The following MCTP1 variants were observed in gnomAD, a reference collection of about 807,000 sequenced individuals.
The protein encoded by MCTP1 is multiple C2 and transmembrane domain containing 1, also known as multiple C2 and transmembrane domain-containing protein 1.
In MCTP1, 69 loss-of-function variants were observed where a neutral mutation model predicts 120.6. The observed-to-expected ratio is 0.57, with a 90% CI of 0.47 to 0.70. The LOEUF (loss-of-function observed/expected upper bound fraction) is 0.70, where lower values mean the gene tolerates loss of function less well. Among genes scored for constraint, MCTP1 ranks in the 30% least tolerant of loss-of-function variants. The probability of loss-of-function intolerance (pLI) is 0.00; values close to 1 mark genes in which losing one functional copy is unlikely to be tolerated. For synonymous variants in MCTP1, 529 were observed against 493.1 expected (o/e 1.07, Z -0.96); for missense variants, 1,203 against 1,248.8 (o/e 0.96, Z 0.55).
At chr5:94,926,939 A>C (rs1813282045) in intron 6 of MCTP1, among the ~76,000 whole-genome samples, 1 of 152,178 alleles carries the variant, frequency 6.6e-6, no homozygotes, top group South Asian at 2.1e-4. Flanking sequence ...TTGTCCCTTC[A>C]CTTTGTACCA....
Position 94,846,817 on chromosome 5 carries a change from CTGTG to C in MCTP1, c.2436+21512_2436+21515del, listed in dbSNP as rs67319075. 6.8e-3 allele frequency among the ~76,000 whole-genome samples: 994 copies of C among 147,018 alleles called. 5 individuals are homozygous for C. The highest frequency in any genetic ancestry group is 0.011 in the Middle Eastern group (3 of 282). Reference sequence around the variant, plus strand: ...CGTACATGTGTGTCTCTGTGTGTGTCTGTGTGTGTGTGTGTGTGTGTGTGTGTGG... The same window carrying C: ...CGTACATGTGTGTCTCTGTGTGTGTCTGTGTGTGTGTGTGTGTGTGTGTGG... On this transcript the variant is annotated intron_variant, in intron 17 of 22. Transcript: ENST00000515393.
At chr5:95,019,693 G>T (rs1366668253) in intron 1 of MCTP1, among the ~76,000 whole-genome samples, 1 of 152,016 alleles carries the variant, frequency 6.6e-6, no homozygotes, top group Non-Finnish European at 1.5e-5. Context: ...AGTCAGTCTA[G>T]GATGTTACTA....
intron 1 of MCTP1, among the ~76,000 whole-genome samples, chr5:95,200,927 C>CAATT (rs71617104): frequency 0.2 from 30,436 of 151,938 alleles, 3,171 homozygotes; most frequent in Non-Finnish European, 0.23. Flanking sequence ...AAATGATTGT[C>CAATT]AGAGATAAAC....
intron 15 of MCTP1, 123 bp from the exon 16 acceptor site, chr5:94,870,614 T>C (rs1049678187): frequency 1.0e-5 from 8 of 765,860 alleles, no homozygotes; most frequent in Non-Finnish European, 1.8e-5. Flanking sequence ...GCTCATAAAA[T>C]ATAAATGTAT....
At chr5:95,109,352 C>G (rs1297310132) in intron 1 of MCTP1, among the ~76,000 whole-genome samples, 1 of 152,164 alleles carries the variant, frequency 6.6e-6, no homozygotes, top group Admixed American at 6.5e-5. Flanking sequence ...TCTAAAAGTT[C>G]TATTCTCAGA....
rs116232548 is a variant in MCTP1 at position 95,200,862 on chromosome 5, C to T, written c.720+82994G>A. The stretch of plus-strand genomic sequence containing the variant: ...CATATGTTAATTAGCTCAATTTAGC[C>T]ATTCCACAACTTATACATATTTCAA... On this transcript the variant is annotated intron_variant, in intron 1 of 22. Coordinates refer to ENST00000515393, the MANE Select transcript of MCTP1 (RefSeq NM_024717.7). Among the ~76,000 whole-genome samples the T allele has an allele frequency of 1.6e-3, 237 of 152,222 alleles. 2 individuals are homozygous for T. Among genetic ancestry groups the T allele is most frequent in the African/African-American group, 5.2e-3 (216 of 41,542 alleles).
intron 19 of MCTP1, among the ~76,000 whole-genome samples, chr5:94,776,968 T>C (rs1242598818): frequency 2.0e-5 from 3 of 152,192 alleles, no homozygotes; most frequent in African/African-American, 7.2e-5. Context: ...CCTCTATTAT[T>C]CAAGCACTTA....
At chr5:94,872,375 T>C (rs1273024760) in intron 13 of MCTP1, among the ~76,000 whole-genome samples, 1 of 152,020 alleles carries the variant, frequency 6.6e-6, no homozygotes, top group Non-Finnish European at 1.5e-5. Flanking sequence ...TCCTTAAAAA[T>C]AAATTGGCCA....
chr5:95,072,081 C>CTGTGTGTGTGTGTGTGTGTGTG lies in MCTP1; in HGVS notation c.721-54619_721-54598dup, dbSNP rs56135843. 6.4e-3 allele frequency among the ~76,000 whole-genome samples: 920 copies of CTGTGTGTGTGTGTGTGTGTGTG among 143,850 alleles called. 15 individuals are homozygous for CTGTGTGTGTGTGTGTGTGTGTG. The highest frequency in any genetic ancestry group is 0.023 in the African/African-American group (880 of 38,752). The allele number at this position is 143,850 out of a possible 152,430, so 94.4% of individuals were successfully genotyped here. A position where few individuals can be genotyped will look rare whatever the true frequency, so the allele number is the denominator to read the frequency against. On this transcript the variant is annotated intron_variant, in intron 1 of 22. Coordinates refer to ENST00000515393, the MANE Select transcript of MCTP1 (RefSeq NM_024717.7). ...CTAATATGAAACAATGCCAATTTTCCTGTGTGTGTGTGTGTGTGTGTGTGT... is the reference window on the plus strand; with the variant it reads ...CTAATATGAAACAATGCCAATTTTCCTGTGTGTGTGTGTGTGTGTGTGTGTGTGTGTGTGTGTGTGTGTGTGT...
intron 4 of MCTP1, among the ~76,000 whole-genome samples, chr5:94,940,726 GA>G (rs1008260053): frequency 6.6e-6 from 1 of 150,456 alleles, no homozygotes; most frequent in Non-Finnish European, 1.5e-5. Flanking sequence ...AAAATTAATA[GA>G]AAAAACTTCA....
chr5:94,714,698 T>C (rs13456), intron 20 of MCTP1, 79 bp downstream of exon 20: 34,278 of 834,462 alleles, frequency 0.041, 1,642 homozygotes, highest in East Asian at 0.21. Flanking sequence ...CCAAAAAGAA[T>C]GTGGCATTTC....
At chr5:95,016,865 A>G (rs1837217355) in intron 2 of MCTP1, among the ~76,000 whole-genome samples, 2 of 152,088 alleles carry the variant, frequency 1.3e-5, no homozygotes, top group Admixed American at 1.3e-4. Flanking sequence ...GTCATGCCCT[A>G]CAAAATGTGT....
At chr5:94,897,787 C>A (rs1406877500) in intron 10 of MCTP1, among the ~76,000 whole-genome samples, 1 of 152,128 alleles carries the variant, frequency 6.6e-6, no homozygotes, top group African/African-American at 2.4e-5. Context: ...AGGTGCTAAG[C>A]CTAGTACTCA....
intron 1 of MCTP1, among the ~76,000 whole-genome samples, chr5:95,166,491 A>G (rs1395598072): frequency 6.6e-6 from 1 of 151,542 alleles, no homozygotes; most frequent in Non-Finnish European, 1.5e-5. Flanking sequence ...CATAATTCAT[A>G]TTACTTTTTT....
At chr5:95,119,792 C>T (rs780827025) in intron 1 of MCTP1, among the ~76,000 whole-genome samples, 9 of 152,098 alleles carry the variant, frequency 5.9e-5, no homozygotes, top group Non-Finnish European at 8.8e-5. Context: ...TTCCTACATG[C>T]GTAAAACCTA....
chr5:95,173,798 TA>T (rs780062957), intron 1 of MCTP1, among the ~76,000 whole-genome samples: 37 of 150,664 alleles, frequency 2.5e-4, no homozygotes, highest in Non-Finnish European at 4.0e-4. Context: ...AATCTGGAGT[TA>T]ATAGAGGCTA....
chr5:95,238,139 T>C (rs1755758720), intron 1 of MCTP1, among the ~76,000 whole-genome samples: 1 of 152,152 alleles, frequency 6.6e-6, no homozygotes, highest in Admixed American at 6.5e-5. Flanking sequence ...CATCGCCATG[T>C]GAGAAAGTCA....
At chr5:95,082,250 T>G (rs1050188193) in intron 1 of MCTP1, among the ~76,000 whole-genome samples, 83 of 152,228 alleles carry the variant, frequency 5.5e-4, no homozygotes, top group Non-Finnish European at 8.2e-4. Context: ...CCCTTTTATC[T>G]GTTCTGTGAG....
At chr5:94,877,827 C>A (rs1799242965) in intron 12 of MCTP1, 1 of 152,108 alleles carries the variant, frequency 6.6e-6, no homozygotes, top group South Asian at 2.1e-4. Flanking sequence ...TATTCTTGCT[C>A]CCGGAATATA....
Sources: gnomAD v4.1 joint callset for allele counts (sites outside exome capture counted in the v4.1 genomes callset) on GRCh38, gnomAD v4.1.1 for gene constraint, MANE v1.5 for transcripts, NCBI Gene and HGNC (gene_info 2026-07-23, HGNC 2026-07-21) for gene names.